The following KIF18A variants were observed in gnomAD, a reference collection of about 807,000 sequenced individuals.
The protein encoded by KIF18A is kinesin-like protein KIF18A.
In KIF18A, 67 loss-of-function variants were observed where a neutral mutation model predicts 103.3. That is an observed-to-expected ratio of 0.65 (90% CI 0.53 to 0.79). KIF18A has a LOEUF of 0.79. Ranked by LOEUF, KIF18A falls within the 30% of genes least tolerant of loss-of-function variation. The probability of loss-of-function intolerance (pLI) is 0.00; values close to 1 mark genes in which losing one functional copy is unlikely to be tolerated. For missense variants in KIF18A, 1,032 were observed against 1,062.5 expected, an observed-to-expected ratio of 0.97 and a Z score of 0.40; for synonymous variants, 367 against 355.5, an observed-to-expected ratio of 1.03 and a Z score of -0.36.
chr11:28,045,054 A>C (rs1471150170), intron 13 of KIF18A, among the ~76,000 whole-genome samples: 1 of 152,088 alleles, frequency 6.6e-6, no homozygotes, highest in African/African-American at 2.4e-5. Flanking sequence ...GCCATTCACT[A>C]TCTCTCAAAT....
chr11:28,103,512 G>A (rs995642374), intron 1 of KIF18A, among the ~76,000 whole-genome samples: 3 of 151,832 alleles, frequency 2.0e-5, no homozygotes, highest in African/African-American at 2.4e-5. Context: ...TATATGATAC[G>A]GAAAGTCTTT....
chr11:28,042,258 G>C (rs752716386), intron 13 of KIF18A, among the ~76,000 whole-genome samples: 2 of 151,684 alleles, frequency 1.3e-5, no homozygotes, highest in Non-Finnish European at 3.0e-5. Flanking sequence ...TCACCTCCTA[G>C]GAAGTTGTAC....
In KIF18A at chr11:28,059,082, CA is replaced by C; in HGVS notation, c.1791del (p.Phe597LeufsTer12). 4 of 1,613,990 alleles carry C rather than the reference CA, an allele frequency of 2.5e-6. No homozygotes were observed. The highest frequency in any genetic ancestry group is 3.4e-6 in the Non-Finnish European group (4 of 1,179,956). On this transcript the variant is annotated frameshift_variant, in exon 13 of 17. Coordinates refer to ENST00000263181, the MANE Select transcript of KIF18A (RefSeq NM_031217.4). LOFTEE classifies it high-confidence loss of function. ...LKEAGLSNAA[F>X]ESDFKEIEHL... ...TGTTCGATCTCTTTGAAGTCAGATT[CA>C]AAAGCAGCATTTGACAGGCCGGCTT...
At chr11:28,036,011 C>T (rs532312956) in intron 14 of KIF18A, among the ~76,000 whole-genome samples, 1 of 151,450 alleles carries the variant, frequency 6.6e-6, no homozygotes, top group Admixed American at 6.6e-5. Context: ...TAACGACGGT[C>T]AACTGACTTA....
At chr11:28,076,793 GC>G in intron 10 of KIF18A, 1 of 273,468 alleles carries the variant, frequency 3.7e-6, no homozygotes, top group South Asian at 7.5e-5. Context: ...AATTAGCTGG[GC>G]GTAGTGGTGC....
intron 13 of KIF18A, among the ~76,000 whole-genome samples, chr11:28,041,064 A>C (rs1850552650): frequency 6.6e-6 from 1 of 151,752 alleles, no homozygotes; most frequent in African/African-American, 2.4e-5. Context: ...AACAATCTAA[A>C]AGGAGTACAC....
chr11:28,076,001 C>G (rs1393187362), intron 10 of KIF18A, among the ~76,000 whole-genome samples: 2 of 151,906 alleles, frequency 1.3e-5, no homozygotes, highest in Admixed American at 6.6e-5. Flanking sequence ...TCCTTGCCAA[C>G]AGTGATGGTT....
chr11:28,090,342 G>C (rs886076936), intron 5 of KIF18A, among the ~76,000 whole-genome samples: 1 of 152,058 alleles, frequency 6.6e-6, no homozygotes, highest in Non-Finnish European at 1.5e-5. Flanking sequence ...ATTATTTATT[G>C]GAAAGATTAA....
intron 2 of KIF18A, among the ~76,000 whole-genome samples, chr11:28,095,414 T>G (rs985797277): frequency 4.6e-5 from 7 of 152,226 alleles, no homozygotes; most frequent in Non-Finnish European, 8.8e-5. Context: ...CTGCCTTCCC[T>G]CATTGTCCTA....
intron 1 of KIF18A, among the ~76,000 whole-genome samples, chr11:28,103,983 T>G (rs1167424166): frequency 6.6e-6 from 1 of 152,202 alleles, no homozygotes. Flanking sequence ...GATTCATTTA[T>G]GTAGAACAGC....
At chr11:28,081,951 G>A (rs1851171226) in intron 9 of KIF18A, among the ~76,000 whole-genome samples, 1 of 152,086 alleles carries the variant, frequency 6.6e-6, no homozygotes, top group African/African-American at 2.4e-5. Context: ...ATAACTATGA[G>A]GGGTTCAAGA....
intron 1 of KIF18A, among the ~76,000 whole-genome samples, chr11:28,103,189 G>A (rs962559744): frequency 1.3e-5 from 2 of 151,986 alleles, no homozygotes; most frequent in Admixed American, 1.3e-4. Context: ...ATCAGGTTGA[G>A]CATTCCAAAT....
At chr11:28,060,599 C>T (rs943715638) in intron 12 of KIF18A, among the ~76,000 whole-genome samples, 3 of 152,130 alleles carry the variant, frequency 2.0e-5, no homozygotes, top group African/African-American at 7.2e-5. Flanking sequence ...CATAGTAGGT[C>T]TGACACTGCT....
At position 28,035,501 on chromosome 11, in the gene KIF18A, A is replaced by G; in HGVS notation, c.2397-7T>C. 1.4e-6 allele frequency: 2 copies of G among 1,461,302 alleles called. No individual in the cohort carries two copies. Among genetic ancestry groups the G allele is most frequent in the Non-Finnish European group, 1.9e-6 (2 of 1,077,698 alleles). 90.5% of individuals were successfully genotyped at this position (1,461,302 alleles called of 1,614,324 possible). A position where few individuals can be genotyped will look rare whatever the true frequency, so the allele number is the denominator to read the frequency against. ...GAATGAAGAAGGATCAAGCCTGTAT[A>G]TTAATAGTGACAAATAAAAAATAAT... is the stretch of plus-strand genomic sequence containing the variant. On this transcript the variant is annotated splice_polypyrimidine_tract_variant and splice_region_variant and intron_variant, in intron 14 of 16. Coordinates refer to ENST00000263181, the MANE Select transcript of KIF18A (RefSeq NM_031217.4).
chr11:28,043,773 G>A (rs569562847), intron 13 of KIF18A, among the ~76,000 whole-genome samples: 1 of 151,818 alleles, frequency 6.6e-6, no homozygotes, highest in East Asian at 1.9e-4. Flanking sequence ...AACAGAGAAG[G>A]AAATATAATC....
chr11:28,085,670 A>AATAAAT (rs2133555475), intron 6 of KIF18A, among the ~76,000 whole-genome samples: 1 of 152,242 alleles, frequency 6.6e-6, no homozygotes, highest in South Asian at 2.1e-4. Context: ...TCTTGTATGC[A>AATAAAT]ATAAATATCA....
At chr11:28,067,171 T>G (rs1176482124) in intron 11 of KIF18A, among the ~76,000 whole-genome samples, 2 of 152,104 alleles carry the variant, frequency 1.3e-5, no homozygotes, top group Admixed American at 1.3e-4. Context: ...TTTACATTAT[T>G]TTTGTGGGGA....
intron 1 of KIF18A, among the ~76,000 whole-genome samples, chr11:28,101,432 C>G (rs188742417): frequency 4.6e-5 from 7 of 152,140 alleles, no homozygotes; most frequent in Non-Finnish European, 7.4e-5. Flanking sequence ...ATATCCCTCC[C>G]TAATTAATTA....
At chr11:28,081,272 C>T (rs1334813289) in intron 9 of KIF18A, among the ~76,000 whole-genome samples, 1 of 152,120 alleles carries the variant, frequency 6.6e-6, no homozygotes, top group Non-Finnish European at 1.5e-5. Flanking sequence ...ATAGACAAAT[C>T]AGCTTTTAAT....
Sources: gnomAD v4.1 joint callset for allele counts (sites outside exome capture counted in the v4.1 genomes callset) on GRCh38, gnomAD v4.1.1 for gene constraint, MANE v1.5 for transcripts, NCBI Gene and HGNC (gene_info 2026-07-23, HGNC 2026-07-21) for gene names.